The following DCC variants were observed in gnomAD, a reference collection of about 807,000 sequenced individuals.
The protein encoded by DCC is netrin receptor DCC.
Under a neutral mutation model 172.5 loss-of-function variants are expected in DCC, and 58 were observed. The ratio of observed to expected loss-of-function variants is 0.34; its 90% CI spans 0.27 to 0.42. The LOEUF (loss-of-function observed/expected upper bound fraction) is 0.42, where lower values mean the gene tolerates loss of function less well. DCC is among the 10% of genes least tolerant of loss of function. The pLI is 1.00. For missense variants in DCC, 1,740 were observed against 1,791.0 expected (o/e 0.97, Z 0.51); for synonymous variants, 709 against 644.5 (o/e 1.10, Z -1.52).
intron 8 of DCC, among the ~76,000 whole-genome samples, chr18:53,173,889 C>G: frequency 8.4e-6 from 1 of 118,918 alleles, no homozygotes; most frequent in Non-Finnish European, 1.7e-5. Flanking sequence ...TTTTTCAGCA[C>G]CACACCACAC....
At chr18:52,616,530 C>T (rs2034385029) in intron 1 of DCC, among the ~76,000 whole-genome samples, 1 of 151,962 alleles carries the variant, frequency 6.6e-6, no homozygotes, top group South Asian at 2.1e-4. Flanking sequence ...CTGCGCTTGG[C>T]CCATTTGACA....
Position 52,626,034 on chromosome 18 carries a change from A to G in DCC, c.92-126020A>G, listed in dbSNP as rs1050134030. ...GGGTCCTCTTCTTTTCTCAATGTAC[A>G]TACTCTCTCTAAATGATATTCATGA... On this transcript the variant is annotated intron_variant, in intron 1 of 28. Coordinates refer to ENST00000442544, the MANE Select transcript of DCC (RefSeq NM_005215.4). 3.9e-5 allele frequency among the ~76,000 whole-genome samples: 6 copies of G among 152,040 alleles called. No homozygotes were observed. In the South Asian group the frequency reaches 1.0e-3, roughly 26 times the overall value.
At chr18:53,369,248 A>G (rs976667067) in intron 15 of DCC, among the ~76,000 whole-genome samples, 3 of 151,798 alleles carry the variant, frequency 2.0e-5, no homozygotes, top group African/African-American at 7.2e-5. Context: ...TTGTTATTTT[A>G]TGGAAACACA....
chr18:52,565,493 C>T (rs149888664), intron 1 of DCC, among the ~76,000 whole-genome samples: 3,215 of 152,252 alleles, frequency 0.021, 97 homozygotes, highest in African/African-American at 0.071. Flanking sequence ...CACATCCTCT[C>T]CAGCATCTGT....
At chr18:52,876,774 G>A (rs2039409113) in intron 2 of DCC, among the ~76,000 whole-genome samples, 1 of 152,144 alleles carries the variant, frequency 6.6e-6, no homozygotes, top group African/African-American at 2.4e-5. Flanking sequence ...CATGCATTGT[G>A]CTCAGGAGCT....
intron 17 of DCC, among the ~76,000 whole-genome samples, chr18:53,393,285 A>G (rs1908693546): frequency 6.6e-6 from 1 of 152,226 alleles, no homozygotes; most frequent in South Asian, 2.1e-4. Context: ...CATAAAATTC[A>G]CATTTCATCA....
intron 12 of DCC, among the ~76,000 whole-genome samples, chr18:53,264,353 G>C (rs2056642807): frequency 6.6e-6 from 1 of 151,918 alleles, no homozygotes. Flanking sequence ...CAGACGTGGT[G>C]GCGGCTGCGT....
chr18:53,022,280 A>G (rs1373939875), intron 5 of DCC, among the ~76,000 whole-genome samples: 2 of 152,096 alleles, frequency 1.3e-5, no homozygotes, highest in African/African-American at 2.4e-5. Context: ...CTTTAGGGTC[A>G]TAATATCTGG....
chr18:53,218,074 C>T (rs2055880590), intron 12 of DCC, among the ~76,000 whole-genome samples: 1 of 152,010 alleles, frequency 6.6e-6, no homozygotes, highest in South Asian at 2.1e-4. Flanking sequence ...GTATCAAAGT[C>T]CTGACCTCAA....
At chr18:53,232,418 T>C (rs2056136696) in intron 12 of DCC, among the ~76,000 whole-genome samples, 2 of 152,178 alleles carry the variant, frequency 1.3e-5, no homozygotes, top group African/African-American at 4.8e-5. Context: ...TCACATTATC[T>C]TATGGACTTA....
At chr18:52,852,527 T>TC (rs1330521567) in intron 2 of DCC, among the ~76,000 whole-genome samples, 1 of 152,138 alleles carries the variant, frequency 6.6e-6, no homozygotes, top group Non-Finnish European at 1.5e-5. Flanking sequence ...AATAGGTAAA[T>TC]CAATACAAGG....
intron 12 of DCC, among the ~76,000 whole-genome samples, chr18:53,304,175 T>A (rs1369012244): frequency 6.6e-6 from 1 of 152,092 alleles, no homozygotes; most frequent in Non-Finnish European, 1.5e-5. Context: ...TAGGGGGACA[T>A]GGCAGGCCAA....
rs78769585 is a variant in DCC at position 53,355,897 on chromosome 18, A to G, written c.2359+15990A>G. On this transcript the variant is annotated intron_variant, in intron 15 of 28. Coordinates refer to ENST00000442544, the MANE Select transcript of DCC (RefSeq NM_005215.4). ...TACAATTTTATTTTTATATACTGGT[A>G]TAGTTTTCATTATGCTTCTTCTGAT... Among the ~76,000 whole-genome samples the G allele has an allele frequency of 8.1e-3, 1,228 of 152,212 alleles. 41 individuals carry two copies. The highest frequency in any genetic ancestry group is 0.058 in the Admixed American group (890 of 15,272).
rs544456422 is a variant in DCC at position 52,871,320 on chromosome 18, G to A, written c.413-34724G>A. On this transcript the variant is annotated intron_variant, in intron 2 of 28. Transcript: ENST00000442544. ...ATAAAATAAGATGAGAAAGAACAGT[G>A]TCTTTTTTTTTTTTGGCTGCCCACA... Among the ~76,000 whole-genome samples, 3 of 149,738 alleles carry A rather than the reference G, an allele frequency of 2.0e-5. No individual in the cohort carries two copies. The East Asian group carries it at 5.8e-4, about 29-fold the overall frequency.
chr18:53,222,036 G>C (rs1228226559), intron 12 of DCC, among the ~76,000 whole-genome samples: 1 of 152,200 alleles, frequency 6.6e-6, no homozygotes, highest in African/African-American at 2.4e-5. Context: ...ATTTAGACCA[G>C]AGCTCCTGAC....
At chr18:53,309,964 G>GTATATATATATATATATATA (rs56355500) in intron 13 of DCC, among the ~76,000 whole-genome samples, 14 of 137,346 alleles carry the variant, frequency 1.0e-4, no homozygotes, top group African/African-American at 2.7e-4. Context: ...ATACGTGTGT[G>GTATATATATATATATATATA]TATATATATA....
rs1176349291 is a variant in DCC at position 52,925,475 on chromosome 18, A to G, written c.985+105A>G. 7 of 1,211,104 alleles carry G rather than the reference A, an allele frequency of 5.8e-6. No individual in the cohort carries two copies. The Admixed American group carries it at 1.2e-4, about 21-fold the overall frequency. 75.0% of individuals were successfully genotyped at this position (1,211,104 alleles called of 1,614,324 possible). A position where few individuals can be genotyped will look rare whatever the true frequency, so the allele number is the denominator to read the frequency against. ...TTGATTCCTATGTTTATTAGTGTGA[A>G]ATTGCAAAGTCCCAATACTCCACAC... On this transcript the variant is annotated intron_variant, in intron 5 of 28. Transcript: ENST00000442544.
intron 1 of DCC, among the ~76,000 whole-genome samples, chr18:52,714,993 T>G (rs1051436290): frequency 3.3e-5 from 5 of 152,156 alleles, no homozygotes; most frequent in African/African-American, 1.2e-4. Context: ...ATATGATCGC[T>G]ACATAGGAGG....
chr18:53,186,242 G>A (rs2055280991), intron 9 of DCC, among the ~76,000 whole-genome samples: 1 of 152,174 alleles, frequency 6.6e-6, no homozygotes, highest in Non-Finnish European at 1.5e-5. Flanking sequence ...TAGGAAAGGG[G>A]ATAAGAAAGT....
Sources: allele counts gnomAD v4.1 joint callset (sites outside exome capture counted in the v4.1 genomes callset), GRCh38; gene constraint gnomAD v4.1.1; transcripts MANE v1.5; gene names NCBI Gene and HGNC (gene_info 2026-07-23, HGNC 2026-07-21).